The following LAMA5 variants were observed in gnomAD, a reference collection of about 807,000 sequenced individuals.
The protein encoded by LAMA5 is laminin subunit alpha 5.
In LAMA5, 260 loss-of-function variants were observed where a neutral mutation model predicts 433.4. That is an observed-to-expected ratio of 0.60 (90% CI 0.54 to 0.66). The LOEUF is 0.66. LAMA5 is among the 30% of genes least tolerant of loss of function. LAMA5 has a pLI of 0.00. For synonymous variants in LAMA5, 2,620 were observed against 2,226.6 expected, an observed-to-expected ratio of 1.18 and a Z score of -4.97; for missense variants, 5,378 against 5,258.5, an observed-to-expected ratio of 1.02 and a Z score of -0.70.
chr20:62,328,533 G>T, intron 34 of LAMA5, 88 bp from the exon 35 acceptor site: 2 of 1,327,194 alleles, frequency 1.5e-6, no homozygotes, highest in Non-Finnish European at 1.0e-6. Flanking sequence ...GGATGTGGCA[G>T]TGTGACGGGG....
At chr20:62,325,235 G>T in intron 41 of LAMA5, 81 bp downstream of exon 41, 1 of 918,694 alleles carries the variant, frequency 1.1e-6, no homozygotes. Context: ...AGGCAGCAAG[G>T]AAGGGAACAC....
chr20:62,334,006 G>A lies in LAMA5; in HGVS notation c.2773C>T (p.Pro925Ser), dbSNP rs899847873. The A allele has an allele frequency of 2.5e-6, 4 of 1,613,028 alleles. No individual in the cohort carries two copies. The East Asian group carries it at 8.9e-5, about 36-fold the overall frequency. Residue 925 changes from proline to serine, a missense_variant, in exon 23 of 80, where the codon CCT becomes TCT. By Grantham distance (74) the Pro-to-Ser change is moderately conservative (BLOSUM62 -1). Coordinates refer to ENST00000252999, the MANE Select transcript of LAMA5 (RefSeq NM_005560.6). ...RIVARLNLTSPDLFWLVFRYV... is the reference protein window; with the variant it reads ...RIVARLNLTSSDLFWLVFRYV... ...CGGAAGACGAGCCAGAAAAGGTCAGGGGAGGTCAGGTTCAGCCTGGCCACG... is the reference window on the plus strand; with the variant it reads ...CGGAAGACGAGCCAGAAAAGGTCAGAGGAGGTCAGGTTCAGCCTGGCCACG...
At chr20:62,311,875 C>G (rs373553255) in intron 70 of LAMA5, 45 bp downstream of exon 70, 1 of 1,382,894 alleles carries the variant, frequency 7.2e-7, no homozygotes, top group African/African-American at 1.6e-5. Flanking sequence ...TGCAGGCGGG[C>G]GTCCCTCCAG....
chr20:62,350,046 C>T (rs1196995157), intron 6 of LAMA5, among the ~76,000 whole-genome samples: 1 of 151,706 alleles, frequency 6.6e-6, no homozygotes, highest in East Asian at 1.9e-4. Flanking sequence ...GTAACAGAGG[C>T]TGTGGTTCCA....
chr20:62,329,666 G>T, intron 32 of LAMA5, 111 bp downstream of exon 32: 1 of 1,368,064 alleles, frequency 7.3e-7, no homozygotes, highest in Non-Finnish European at 1.0e-6. Flanking sequence ...CTGGGCACAA[G>T]GCCAGGCCTC....
chr20:62,309,836 C>G lies in LAMA5; in HGVS notation c.10829-1G>C. The G allele has an allele frequency of 6.2e-7, 1 of 1,611,648 alleles. No homozygotes were observed. Among genetic ancestry groups the G allele is most frequent in the Non-Finnish European group, 8.5e-7 (1 of 1,179,640 alleles). On this transcript the variant is annotated splice_acceptor_variant, in intron 78 of 79. Transcript: ENST00000252999. LOFTEE classifies it high-confidence loss of function. ...CGGAGCACATTCCCGCTTTTCATCA[C>G]TGGGAGAAAGGGGGACTCCTGAGGC...
chr20:62,347,135 C>T, intron 6 of LAMA5, 107 bp from the exon 7 acceptor site: 2 of 789,180 alleles, frequency 2.5e-6, no homozygotes, highest in Non-Finnish European at 4.1e-6. Flanking sequence ...CTTGGCTTGC[C>T]ACATGGACAC....
In LAMA5 at chr20:62,315,137, C is replaced by A. The variant is rs1413811358; in HGVS notation, c.7938G>T (p.Val2646=). 2.5e-6 allele frequency: 4 copies of A among 1,610,292 alleles called. No homozygotes were observed. The South Asian group carries it at 4.4e-5, about 18-fold the overall frequency. Residue 2646 remains valine, a synonymous_variant, in exon 59 of 80, where the codon GTG becomes GTT. Coordinates refer to ENST00000252999, the MANE Select transcript of LAMA5 (RefSeq NM_005560.6). The part of the protein sequence containing the change: ...AAEAQDTATR[V]QSQLQAMQEN... ...CCTGCATGGCCTGCAGCTGGGACTGCACACGGGTGGCGGTGTCCTGGGCTT... is the reference window on the plus strand; with the variant it reads ...CCTGCATGGCCTGCAGCTGGGACTGAACACGGGTGGCGGTGTCCTGGGCTT...
chr20:62,334,186 C>G lies in LAMA5; in HGVS notation c.2739G>C (p.Gln913His). 6.2e-7 allele frequency: 1 copy of G among 1,612,226 alleles called. No individual in the cohort carries two copies. The highest frequency in any genetic ancestry group is 8.5e-7 in the Non-Finnish European group (1 of 1,179,502). The part of the protein sequence containing the change: ...WRGYAQMAPV[Q>H]PRIVARLNLT... ...CTGGGAGGGGGAGCACAGCGCCCAC[C>G]TGGACAGGTGCCATCTGCGCGTAGC... Residue 913 changes from glutamine to histidine, a missense_variant and splice_region_variant, in exon 22 of 80, where the codon CAG becomes CAC. Physicochemically the swap from Gln to His is conservative, Grantham distance 24. Coordinates refer to ENST00000252999, the MANE Select transcript of LAMA5 (RefSeq NM_005560.6).
At chr20:62,355,375 C>T (rs687681) in intron 2 of LAMA5, 133,260 of 152,306 alleles carry the variant, frequency 0.87, 60,544 homozygotes, top group East Asian at 1. Flanking sequence ...CCTACAGTCA[C>T]CCCACTGGAC....
chr20:62,327,365 C>G lies in LAMA5; in HGVS notation c.4980G>C (p.Arg1660=). Reference sequence around the variant, plus strand: ...GCTGCCGCTCGTGGGGCACCACCTGCCGGTCAGTGCTCAGCAGCACCCATC... The same window carrying G: ...GCTGCCGCTCGTGGGGCACCACCTGGCGGTCAGTGCTCAGCAGCACCCATC... ...MEGWVLLSTD[R]QVVPHERQPG... is the part of the protein sequence containing the mutation. The change falls in exon 38 of 80, where the codon CGG becomes CGC. Residue 1660 remains arginine, a synonymous_variant. Coordinates refer to ENST00000252999, the MANE Select transcript of LAMA5 (RefSeq NM_005560.6). The G allele has an allele frequency of 1.9e-6, 3 of 1,598,020 alleles. No homozygotes were observed. The South Asian group carries it at 3.4e-5, about 18-fold the overall frequency.
intron 6 of LAMA5, among the ~76,000 whole-genome samples, chr20:62,348,775 A>T: frequency 6.6e-6 from 1 of 152,332 alleles, no homozygotes. Flanking sequence ...AGACAGACAC[A>T]GTGGAAGAGA....
intron 18 of LAMA5, 22 bp from the exon 19 acceptor site, chr20:62,335,291 T>C (rs1031131468): frequency 1.2e-6 from 2 of 1,610,642 alleles, no homozygotes; most frequent in African/African-American, 2.7e-5. Context: ...AGGGCAGGAC[T>C]CAGATGCTTG....
At chr20:62,333,291 A>AGAGACAGCCTGAGTGGGGG in intron 25 of LAMA5, 48 bp from the exon 26 acceptor site, 1 of 1,591,568 alleles carries the variant, frequency 6.3e-7, no homozygotes, top group Non-Finnish European at 8.6e-7. Flanking sequence ...CCAGGTCCCC[A>AGAGACAGCCTGAGTGGGGG]GAGACAGCCT....
At chr20:62,350,377 G>A (rs1984103620) in intron 6 of LAMA5, among the ~76,000 whole-genome samples, 1 of 152,116 alleles carries the variant, frequency 6.6e-6, no homozygotes, top group African/African-American at 2.4e-5. Flanking sequence ...AACAGCCCAA[G>A]TCCTCCGGCT....
rs1387037967 is a variant in LAMA5 at position 62,324,258 on chromosome 20, A to G, written c.5644-54T>C. ...GGTGGACACCCACATCCTACTGCCG[A>G]GTCTGTGCAGCTCCCACCACCCCTG... On this transcript the variant is annotated intron_variant, in intron 42 of 79. Coordinates refer to ENST00000252999, the MANE Select transcript of LAMA5 (RefSeq NM_005560.6). This position sits in a 1 kb window ranked among gnomAD's most constrained non-coding sequence, Gnocchi z 4.4. 1.9e-6 allele frequency: 3 copies of G among 1,568,912 alleles called. No individual in the cohort carries two copies. The highest frequency in any genetic ancestry group is 2.6e-6 in the Non-Finnish European group (3 of 1,166,404).
At position 62,367,079 on chromosome 20, in the gene LAMA5, G is replaced by A. The variant is rs759733276; in HGVS notation, c.167C>T (p.Ala56Val). Residue 56 changes from alanine (A) to valine (V), a missense_variant, in exon 1 of 80, where the codon GCC becomes GTC. Ala to Val is a moderately conservative substitution (Grantham distance 64, BLOSUM62 0). Transcript: ENST00000252999. Reference protein sequence around the residue: ...HPPYFNLAEGARIAASATCGE... With the variant: ...HPPYFNLAEGVRIAASATCGE... ...GCAGGTCGCGGAGGCGGCGATGCGG[G>A]CGCCCTCGGCCAGGTTGAAGTAGGG... is the stretch of plus-strand genomic sequence containing the variant. 17 of 1,260,878 alleles carry A rather than the reference G, an allele frequency of 1.3e-5. No individual in the cohort carries two copies. The highest frequency in any genetic ancestry group is 3.1e-5 in the East Asian group (1 of 31,922). 78.1% of individuals were successfully genotyped at this position (1,260,878 alleles called of 1,614,324 possible).
rs764070389 is a variant in LAMA5 at position 62,338,380 on chromosome 20, G to T, written c.1619-11C>A. Reference sequence around the variant, plus strand: ...TGGAACACTGGCAGGCTGCAGGAAAGGGTGGCCCACATGCTTGGTCAGAGG... The same window carrying T: ...TGGAACACTGGCAGGCTGCAGGAAATGGTGGCCCACATGCTTGGTCAGAGG... On this transcript the variant is annotated splice_polypyrimidine_tract_variant and intron_variant, in intron 12 of 79. Transcript: ENST00000252999. 10 of 1,606,942 alleles carry T rather than the reference G, an allele frequency of 6.2e-6. No homozygotes were observed. Among genetic ancestry groups the T allele is most frequent in the Non-Finnish European group, 8.5e-6 (10 of 1,176,692 alleles).
chr20:62,328,666 G>A (rs888968061), intron 34 of LAMA5, among the ~76,000 whole-genome samples, 178 bp downstream of exon 34: 1 of 152,206 alleles, frequency 6.6e-6, no homozygotes, highest in Admixed American at 6.5e-5. Context: ...GCTGGTCCCT[G>A]AAACCTTCTG....
Sources: allele counts gnomAD v4.1 joint callset (sites outside exome capture counted in the v4.1 genomes callset), GRCh38; gene constraint gnomAD v4.1.1; non-coding constraint Gnocchi (gnomAD v3.1); transcripts MANE v1.5; gene names NCBI Gene and HGNC (gene_info 2026-07-23, HGNC 2026-07-21).